Variants in REEP3 observed in about 807,000 individuals in gnomAD.
REEP3 encodes receptor accessory protein 3.
REEP3 carries 20 observed loss-of-function variants against 41.3 expected under a neutral mutation model. The ratio of observed to expected loss-of-function variants is 0.48; its 90% CI spans 0.34 to 0.70. The LOEUF is 0.70. REEP3 is among the 30% of genes least tolerant of loss of function. REEP3 has a pLI of 0.01. For synonymous variants in REEP3, 104 were observed against 101.8 expected, an observed-to-expected ratio of 1.02 and a Z score of -0.13; for missense variants, 271 against 308.8, an observed-to-expected ratio of 0.88 and a Z score of 0.92.
intron 1 of REEP3, among the ~76,000 whole-genome samples, chr10:63,523,951 A>G (rs1955331735): frequency 6.6e-6 from 1 of 152,140 alleles, no homozygotes; most frequent in African/African-American, 2.4e-5. Flanking sequence ...CTAACTGGAG[A>G]GAGGGGATTA....
intron 1 of REEP3, among the ~76,000 whole-genome samples, chr10:63,542,661 C>T (rs1003240618): frequency 9.2e-5 from 14 of 152,072 alleles, no homozygotes; most frequent in African/African-American, 2.7e-4. Flanking sequence ...ATTTCAGACT[C>T]GCAACCCTTT....
intron 2 of REEP3, among the ~76,000 whole-genome samples, chr10:63,577,078 A>G (rs577537595): frequency 4.3e-4 from 65 of 152,284 alleles, no homozygotes; most frequent in African/African-American, 1.5e-3. Context: ...AAAGTTATCA[A>G]TGTCTATATC....
At chr10:63,584,783 T>C (rs1390640100) in intron 2 of REEP3, among the ~76,000 whole-genome samples, 6 of 152,182 alleles carry the variant, frequency 3.9e-5, no homozygotes, top group African/African-American at 1.4e-4. Context: ...ATGAATGTTT[T>C]GGGTGAATTG....
In REEP3 at chr10:63,614,119, T is replaced by G. The variant is rs970576996; in HGVS notation, c.565+3785T>G. On this transcript the variant is annotated intron_variant, in intron 6 of 7. Coordinates refer to ENST00000373758, the MANE Select transcript of REEP3 (RefSeq NM_001001330.3). ...ACCCTTACAAACCAATTATTGTCAA[T>G]GCTATCAAAGAATACAACTGTCAAG... 4.6e-5 allele frequency among the ~76,000 whole-genome samples: 7 copies of G among 152,180 alleles called. No homozygotes were observed. The South Asian group carries it at 8.3e-4, about 18-fold the overall frequency.
At chr10:63,541,278 A>T (rs892303125) in intron 1 of REEP3, among the ~76,000 whole-genome samples, 29 of 152,330 alleles carry the variant, frequency 1.9e-4, no homozygotes, top group African/African-American at 6.7e-4. Flanking sequence ...TCTACAAAAC[A>T]AGCTGAAATA....
chr10:63,556,624 T>G lies in REEP3; in HGVS notation c.33-9714T>G, dbSNP rs868034741. On this transcript the variant is annotated intron_variant, in intron 1 of 7. Transcript: ENST00000373758. ...GTTTTCTGTTTGCTTGTTTTTTTTT[T>G]TGTTGTTTTGTTTTTTTTTTTTTTT... Among the ~76,000 whole-genome samples the G allele has an allele frequency of 6.2e-3, 33 of 5,352 alleles. 2 individuals carry two copies. The South Asian group carries it at 0.079, about 13-fold the overall frequency. The allele number at this position is 5,352 out of a possible 152,430, so 3.5% of individuals were successfully genotyped here.
chr10:63,590,448 T>C (rs1311379569), intron 2 of REEP3, among the ~76,000 whole-genome samples: 1 of 152,226 alleles, frequency 6.6e-6, no homozygotes, highest in Non-Finnish European at 1.5e-5. Context: ...TATGTGCATG[T>C]GTCCCCATCT....
chr10:63,541,483 A>G (rs1425328229), intron 1 of REEP3, among the ~76,000 whole-genome samples: 1 of 152,214 alleles, frequency 6.6e-6, no homozygotes, highest in East Asian at 1.9e-4. Context: ...TAAAGTTTCC[A>G]TCTATTCTAT....
intron 2 of REEP3, among the ~76,000 whole-genome samples, chr10:63,589,338 C>G (rs1956036186): frequency 1.3e-5 from 2 of 152,154 alleles, no homozygotes; most frequent in South Asian, 4.1e-4. Flanking sequence ...TCCAGTGGAG[C>G]TTTTCCTCCA....
intron 2 of REEP3, among the ~76,000 whole-genome samples, chr10:63,570,262 A>G (rs1240964047): frequency 6.6e-6 from 1 of 152,254 alleles, no homozygotes; most frequent in East Asian, 1.9e-4. Context: ...ATAATCCATC[A>G]GCATTCAAAC....
chr10:63,568,681 G>A (rs1159679168), intron 2 of REEP3, among the ~76,000 whole-genome samples: 1 of 138,094 alleles, frequency 7.2e-6, no homozygotes, highest in African/African-American at 2.7e-5. Context: ...TTGAGACAGG[G>A]TCTTGCTGTT....
chr10:63,530,885 T>G (rs1955414613), intron 1 of REEP3, among the ~76,000 whole-genome samples: 1 of 152,250 alleles, frequency 6.6e-6, no homozygotes, highest in Non-Finnish European at 1.5e-5. Context: ...ATGAACTTAT[T>G]TTTATGTCAT....
At chr10:63,553,725 G>A (rs987820772) in intron 1 of REEP3, among the ~76,000 whole-genome samples, 2 of 152,080 alleles carry the variant, frequency 1.3e-5, no homozygotes, top group Non-Finnish European at 1.5e-5. Context: ...TTGTAGAGAC[G>A]GATGTATTTC....
intron 6 of REEP3, among the ~76,000 whole-genome samples, chr10:63,618,962 C>T (rs182799203): frequency 9.6e-4 from 146 of 152,352 alleles, no homozygotes; most frequent in Non-Finnish European, 3.2e-4. Flanking sequence ...CTAGCATACT[C>T]GCGTGATCTC....
intron 2 of REEP3, among the ~76,000 whole-genome samples, chr10:63,584,492 C>G (rs1016231152): frequency 6.7e-6 from 1 of 149,866 alleles, no homozygotes; most frequent in African/African-American, 2.5e-5. Flanking sequence ...GATTTAACTT[C>G]AAATAGCTTT....
chr10:63,566,273 A>G (rs1206042820), intron 1 of REEP3, 65 bp from the exon 2 acceptor site: 14 of 878,206 alleles, frequency 1.6e-5, no homozygotes, highest in Non-Finnish European at 2.3e-5. Context: ...TATTAGGTTA[A>G]ATTTTTATGA....
intron 6 of REEP3, among the ~76,000 whole-genome samples, chr10:63,612,035 A>T (rs1314420670): frequency 6.6e-6 from 1 of 152,214 alleles, no homozygotes; most frequent in Non-Finnish European, 1.5e-5. Context: ...AGAGGTAATG[A>T]TCAAGCATTG....
chr10:63,582,437 A>G (rs1955963282), intron 2 of REEP3, among the ~76,000 whole-genome samples: 1 of 152,224 alleles, frequency 6.6e-6, no homozygotes, highest in South Asian at 2.1e-4. Context: ...ATTAAGCAGT[A>G]TATTATTTTA....
intron 1 of REEP3, among the ~76,000 whole-genome samples, chr10:63,531,085 A>G (rs1329241082): frequency 6.6e-6 from 1 of 152,240 alleles, no homozygotes; most frequent in Non-Finnish European, 1.5e-5. Flanking sequence ...TACAGAGGCC[A>G]CTATGACTGA....
Sources: gnomAD v4.1 joint callset for allele counts (sites outside exome capture counted in the v4.1 genomes callset) on GRCh38, gnomAD v4.1.1 for gene constraint, MANE v1.5 for transcripts, NCBI Gene and HGNC (gene_info 2026-07-23, HGNC 2026-07-21) for gene names.